The following RNF38 variants were observed in gnomAD, a reference collection of about 807,000 sequenced individuals.
RNF38 encodes the protein E3 ubiquitin-protein ligase RNF38.
Under a neutral mutation model 67.2 loss-of-function variants are expected in RNF38, and 15 were observed. The observed-to-expected ratio is 0.22, with a 90% CI of 0.15 to 0.34. The LOEUF (loss-of-function observed/expected upper bound fraction) is 0.34. Among genes scored for constraint, RNF38 ranks in the 10% least tolerant of loss-of-function variants. The pLI is 1.00. For missense variants in RNF38, 524 were observed against 639.9 expected, an observed-to-expected ratio of 0.82 and a Z score of 1.95; for synonymous variants, 220 against 218.8, an observed-to-expected ratio of 1.01 and a Z score of -0.05.
chr9:36,425,870 G>T (rs1838756683), intron 1 of RNF38, among the ~76,000 whole-genome samples: 1 of 152,120 alleles, frequency 6.6e-6, no homozygotes, highest in Non-Finnish European at 1.5e-5. Flanking sequence ...GTTAATTTTT[G>T]TATTTTTAGT....
intron 2 of RNF38, among the ~76,000 whole-genome samples, chr9:36,412,300 C>T (rs1838345429): frequency 6.6e-6 from 1 of 152,172 alleles, no homozygotes; most frequent in African/African-American, 2.4e-5. Flanking sequence ...TATTATTTCC[C>T]TTAAATGTTC....
At chr9:36,370,646 C>T (rs545810092) in intron 3 of RNF38, among the ~76,000 whole-genome samples, 1 of 152,208 alleles carries the variant, frequency 6.6e-6, no homozygotes, top group South Asian at 2.1e-4. Flanking sequence ...TGGCTCATGC[C>T]TGTAATCCTA....
At position 36,345,056 on chromosome 9, in the gene RNF38, A is replaced by G. The variant is rs1833120940; in HGVS notation, c.1264-103T>C. On this transcript the variant is annotated intron_variant, in intron 9 of 11. Coordinates refer to ENST00000259605, the MANE Select transcript of RNF38 (RefSeq NM_022781.5). Reference sequence around the variant, plus strand: ...AGTCCTGCTATGTTGCCCAGGCTAGAGTATAGCGGCTGTTCACAGGCATGA... The same window carrying G: ...AGTCCTGCTATGTTGCCCAGGCTAGGGTATAGCGGCTGTTCACAGGCATGA... The G allele has an allele frequency of 2.4e-6, 3 of 1,262,952 alleles. No homozygotes were observed. The South Asian group carries it at 4.4e-5, about 19-fold the overall frequency. 78.2% of individuals were successfully genotyped at this position (1,262,952 alleles called of 1,614,324 possible).
intron 1 of RNF38, among the ~76,000 whole-genome samples, chr9:36,472,004 G>A (rs1240076885): frequency 6.6e-6 from 1 of 152,070 alleles, no homozygotes; most frequent in Non-Finnish European, 1.5e-5. Flanking sequence ...GCTTTTACTT[G>A]AAGCTTTAAA....
intron 2 of RNF38, among the ~76,000 whole-genome samples, chr9:36,419,692 G>A (rs1318281100): frequency 6.6e-6 from 1 of 152,104 alleles, no homozygotes; most frequent in Non-Finnish European, 1.5e-5. Context: ...CAGGTGGCAC[G>A]GCATCTGTAT....
chr9:36,343,249 A>C (rs2133354281), intron 10 of RNF38, among the ~76,000 whole-genome samples: 1 of 152,302 alleles, frequency 6.6e-6, no homozygotes, highest in East Asian at 1.9e-4. Flanking sequence ...GCTTCAAAGG[A>C]CATCACTGAA....
At chr9:36,407,602 AAC>A (rs1166929232) in intron 2 of RNF38, among the ~76,000 whole-genome samples, 2 of 152,230 alleles carry the variant, frequency 1.3e-5, no homozygotes, top group East Asian at 3.8e-4. Context: ...AGAACAGGGT[AAC>A]CAGGCAGGAG....
chr9:36,444,821 T>C (rs1839266109), intron 1 of RNF38, among the ~76,000 whole-genome samples: 2 of 151,348 alleles, frequency 1.3e-5, no homozygotes, highest in African/African-American at 2.4e-5. Flanking sequence ...TTTGAATAAA[T>C]AAGGGAATAC....
chr9:36,455,509 G>A (rs773687342), intron 1 of RNF38, among the ~76,000 whole-genome samples: 5 of 152,026 alleles, frequency 3.3e-5, no homozygotes, highest in Non-Finnish European at 7.4e-5. Flanking sequence ...TTAGCTGGAC[G>A]CGGTGGCTCA....
intron 1 of RNF38, among the ~76,000 whole-genome samples, chr9:36,457,319 GGCAT>G (rs1177407522): frequency 6.6e-6 from 1 of 152,158 alleles, no homozygotes; most frequent in Non-Finnish European, 1.5e-5. Flanking sequence ...TTTGGAGTAA[GGCAT>G]GCTTTAAACA....
At chr9:36,389,791 C>CA (rs1836931269) in intron 2 of RNF38, among the ~76,000 whole-genome samples, 1 of 152,164 alleles carries the variant, frequency 6.6e-6, no homozygotes, top group Non-Finnish European at 1.5e-5. Context: ...CATTGGCCTG[C>CA]AATCCTACCA....
chr9:36,368,013 G>A (rs1454428031), intron 4 of RNF38, among the ~76,000 whole-genome samples: 2 of 151,956 alleles, frequency 1.3e-5, no homozygotes, highest in African/African-American at 2.4e-5. Context: ...CATCACGTGC[G>A]GCCAATTTTT....
At chr9:36,339,854 A>G in intron 11 of RNF38, 40 bp from the exon 12 acceptor site, 2 of 1,496,390 alleles carry the variant, frequency 1.3e-6, no homozygotes, top group Non-Finnish European at 9.3e-7. Flanking sequence ...ATTGTGACAC[A>G]TACAATGAAA....
upstream of RNF38, among the ~76,000 whole-genome samples, chr9:36,401,693 A>G (rs1838040575): frequency 2.0e-5 from 3 of 152,308 alleles, no homozygotes; most frequent in South Asian, 6.2e-4. Flanking sequence ...CAATCCATAC[A>G]AGGAAAAAAT....
rs554211060 is a variant in RNF38 at position 36,407,280 on chromosome 9, A to AT, written n.313-16665dup. On this transcript the variant is annotated intron_variant and non_coding_transcript_variant, in intron 2 of 3. Transcript: ENST00000488058. ...GTCCACTGAAAGCCTCCCATATTATATAGCCACTTATCCAGCTTTGAGGTG... is the reference window on the plus strand; with the variant it reads ...GTCCACTGAAAGCCTCCCATATTATATTAGCCACTTATCCAGCTTTGAGGTG... Among the ~76,000 whole-genome samples the AT allele has an allele frequency of 1.6e-3, 240 of 152,300 alleles. 1 individual carries two copies. Among genetic ancestry groups the AT allele is most frequent in the Middle Eastern group, 3.4e-3 (1 of 294 alleles).
chr9:36,470,555 G>A (rs1291553086), intron 1 of RNF38, among the ~76,000 whole-genome samples: 2 of 152,106 alleles, frequency 1.3e-5, no homozygotes, highest in Middle Eastern at 3.2e-3. Context: ...AATTTATTCC[G>A]CTTAGATGTC....
intron 1 of RNF38, among the ~76,000 whole-genome samples, chr9:36,484,096 G>A (rs989291879): frequency 1.3e-5 from 2 of 152,196 alleles, no homozygotes; most frequent in African/African-American, 4.8e-5. Context: ...CAAGATAGTG[G>A]TTCTCAAACT....
At chr9:36,462,202 G>A (rs1044120974) in intron 1 of RNF38, among the ~76,000 whole-genome samples, 2 of 152,132 alleles carry the variant, frequency 1.3e-5, no homozygotes, top group African/African-American at 4.8e-5. Context: ...GCAGTTTCAG[G>A]GAACTGGAAT....
chr9:36,340,279 G>A (rs539296665), intron 11 of RNF38, among the ~76,000 whole-genome samples: 7 of 152,198 alleles, frequency 4.6e-5, no homozygotes, highest in South Asian at 2.1e-4. Context: ...GCGCCTGGCC[G>A]CCATGAATGA....
Sources: allele counts gnomAD v4.1 joint callset (sites outside exome capture counted in the v4.1 genomes callset), GRCh38; gene constraint gnomAD v4.1.1; transcripts MANE v1.5; gene names NCBI Gene and HGNC (gene_info 2026-07-23, HGNC 2026-07-21).